The following PTPRC variants were observed in gnomAD, a reference collection of about 807,000 sequenced individuals.
PTPRC encodes receptor-type tyrosine-protein phosphatase C.
PTPRC carries 44 observed loss-of-function variants against 155.9 expected under a neutral mutation model. The ratio of observed to expected loss-of-function variants is 0.28; its 90% CI spans 0.22 to 0.36. The LOEUF is 0.36. Among genes scored for constraint, PTPRC ranks in the 10% least tolerant of loss-of-function variants. The probability of loss-of-function intolerance (pLI) is 1.00; values close to 1 mark genes in which losing one functional copy is unlikely to be tolerated. For synonymous variants in PTPRC, 525 were observed against 533.1 expected (o/e 0.98, Z 0.21); for missense variants, 1,401 against 1,564.6 (o/e 0.90, Z 1.76).
At chr1:198,712,867 T>C in intron 11 of PTPRC, 86 bp from the exon 12 acceptor site, 1 of 1,350,072 alleles carries the variant, frequency 7.4e-7, no homozygotes. Flanking sequence ...AAAATATGGT[T>C]ATCAATAATG....
chr1:198,732,646 T>C, intron 20 of PTPRC, 90 bp downstream of exon 20: 1 of 1,044,576 alleles, frequency 9.6e-7, no homozygotes, highest in East Asian at 2.6e-5. Context: ...TTATTAAAAA[T>C]ATTTTGAAGT....
At position 198,750,583 on chromosome 1, in the gene PTPRC, T is replaced by C; in HGVS notation, c.3164T>C (p.Val1055Ala). ...TGGCAGATGATCTTCCAAAGAAAAG[T>C]CAAAGTTATTGTTATGCTGACAGAA... The part of the protein sequence containing the change: ...DFWQMIFQRK[V>A]KVIVMLTELK... Residue 1055 changes from valine (V) to alanine (A), a missense_variant, in exon 29 of 33, where the codon GTC becomes GCC. By Grantham distance (64) the Val-to-Ala change is moderately conservative (BLOSUM62 0). Around this residue, in one of 3 missense-constraint regions of PTPRC, gnomAD observed 400 missense variants for 389.5 expected, o/e 1.03. Coordinates refer to ENST00000442510, the MANE Select transcript of PTPRC (RefSeq NM_002838.5). 6.2e-7 allele frequency: 1 copy of C among 1,612,740 alleles called. No individual in the cohort carries two copies. Among genetic ancestry groups the C allele is most frequent in the Non-Finnish European group, 8.5e-7 (1 of 1,179,124 alleles).
intron 26 of PTPRC, among the ~76,000 whole-genome samples, chr1:198,744,652 T>A (rs1165911135): frequency 6.6e-6 from 1 of 151,900 alleles, no homozygotes; most frequent in African/African-American, 2.4e-5. Context: ...AGTACATGTG[T>A]CTTAACCTAT....
chr1:198,690,691 G>C (rs1162972607), intron 2 of PTPRC, among the ~76,000 whole-genome samples: 1 of 152,032 alleles, frequency 6.6e-6, no homozygotes, highest in Non-Finnish European at 1.5e-5. Flanking sequence ...TTTGTTCTCA[G>C]AAGATAAAAT....
At chr1:198,729,054 T>C in intron 16 of PTPRC, 83 bp from the exon 17 acceptor site, 1 of 1,472,352 alleles carries the variant, frequency 6.8e-7, no homozygotes, top group East Asian at 2.4e-5. Context: ...GTTCCTTCAA[T>C]ATATTCATTA....
intron 13 of PTPRC, among the ~76,000 whole-genome samples, chr1:198,717,385 A>G (rs1006729415): frequency 1.3e-5 from 2 of 152,170 alleles, no homozygotes; most frequent in African/African-American, 4.8e-5. Context: ...ATCTCTCCAT[A>G]GTTTCCAGGC....
intron 2 of PTPRC, among the ~76,000 whole-genome samples, chr1:198,677,921 G>A (rs896469023): frequency 6.6e-6 from 1 of 151,766 alleles, no homozygotes; most frequent in Admixed American, 6.6e-5. Context: ...ATAAAGTCCA[G>A]CTTTTTTTTT....
chr1:198,735,165 C>T lies in PTPRC; in HGVS notation c.2316C>T (p.Gly772=), dbSNP rs7540378. Residue 772 remains glycine (G), a synonymous_variant, in exon 23 of 33, where the codon GGC becomes GGT. Coordinates refer to ENST00000442510, the MANE Select transcript of PTPRC (RefSeq NM_002838.5). The part of the protein sequence containing the change: ...CAEYWPSMEE[G]TRAFGDVVVK... ...AATACTGGCCGTCAATGGAAGAGGG[C>T]ACTCGGGCTTTTGGAGATGTTGTTG... 230,029 of 1,602,070 alleles carry T rather than the reference C, an allele frequency of 0.14. 18,709 individuals are homozygous for T. Among genetic ancestry groups the T allele is most frequent in the Admixed American group, 0.27 (16,221 of 59,558 alleles).
intron 14 of PTPRC, among the ~76,000 whole-genome samples, chr1:198,721,370 T>C (rs1162638513): frequency 6.6e-6 from 1 of 152,182 alleles, no homozygotes; most frequent in African/African-American, 2.4e-5. Flanking sequence ...TTTTCATTTT[T>C]ATAAACTAAA....
At chr1:198,674,131 T>C (rs1485790996) in intron 2 of PTPRC, among the ~76,000 whole-genome samples, 2 of 152,210 alleles carry the variant, frequency 1.3e-5, no homozygotes, top group Non-Finnish European at 1.5e-5. Context: ...TTGCATTTGT[T>C]CCTCATATGC....
chr1:198,738,396 A>G (rs1654747355), intron 23 of PTPRC, among the ~76,000 whole-genome samples: 1 of 151,828 alleles, frequency 6.6e-6, no homozygotes, highest in South Asian at 2.1e-4. Context: ...TTTCAGCATC[A>G]ATTGAAATGA....
In PTPRC at chr1:198,756,719, A is replaced by C. The variant is rs1017793143; in HGVS notation, c.*538A>C. ...ATAGTTTACTATTTTACTTCTAGAGATAGTACATAAAGGTGGTATGTGTGT... is the reference window on the plus strand; with the variant it reads ...ATAGTTTACTATTTTACTTCTAGAGCTAGTACATAAAGGTGGTATGTGTGT... On this transcript the variant is annotated 3_prime_UTR_variant, in exon 33 of 33. Coordinates refer to ENST00000442510, the MANE Select transcript of PTPRC (RefSeq NM_002838.5). The C allele has an allele frequency of 5.9e-5, 9 of 153,092 alleles. No homozygotes were observed. The South Asian group carries it at 1.0e-3, about 17-fold the overall frequency. 9.5% of individuals were successfully genotyped at this position (153,092 alleles called of 1,614,324 possible). A position where few individuals can be genotyped will look rare whatever the true frequency, so the allele number is the denominator to read the frequency against.
At chr1:198,707,086 T>G in intron 9 of PTPRC, 134 bp downstream of exon 9, 1 of 720,662 alleles carries the variant, frequency 1.4e-6, no homozygotes, top group South Asian at 1.8e-5. Context: ...TGGAAACAAG[T>G]GGGTGAACTT....
At chr1:198,654,824 G>A (rs1462187387) in intron 2 of PTPRC, among the ~76,000 whole-genome samples, 1 of 151,768 alleles carries the variant, frequency 6.6e-6, no homozygotes, top group Non-Finnish European at 1.5e-5. Context: ...GAATATTAAA[G>A]TGAAAATTTA....
In PTPRC at chr1:198,656,634, T is replaced by A. The variant is rs184793797; in HGVS notation, c.73+17293T>A. Among the ~76,000 whole-genome samples the A allele has an allele frequency of 7.1e-5, 10 of 140,410 alleles. No homozygotes were observed. The East Asian group carries it at 1.7e-3, about 24-fold the overall frequency. 92.1% of individuals were successfully genotyped at this position (140,410 alleles called of 152,430 possible). On this transcript the variant is annotated intron_variant, in intron 2 of 32. Coordinates refer to ENST00000442510, the MANE Select transcript of PTPRC (RefSeq NM_002838.5). ...TGAATTCTGCTACACATCACAGGGC[T>A]ACTAGTTTTTTGTTTTTTGTTTTTT...
intron 8 of PTPRC, among the ~76,000 whole-genome samples, chr1:198,706,181 A>G (rs776523079): frequency 1.3e-5 from 2 of 152,234 alleles, no homozygotes; most frequent in Non-Finnish European, 2.9e-5. Flanking sequence ...GAAATTGTTG[A>G]CACTAAACAA....
At chr1:198,702,892 C>G (rs1426607087) in intron 6 of PTPRC, among the ~76,000 whole-genome samples, 2 of 152,124 alleles carry the variant, frequency 1.3e-5, no homozygotes, top group Non-Finnish European at 2.9e-5. Flanking sequence ...CATAATAACA[C>G]TCCTTTTTTA....
chr1:198,731,851 A>T (rs762608560), intron 18 of PTPRC, 125 bp downstream of exon 18: 1 of 769,430 alleles, frequency 1.3e-6, no homozygotes, highest in Non-Finnish European at 2.3e-6. Flanking sequence ...AGCAAAGTAG[A>T]TATTATTAGC....
chr1:198,699,736 G>C, intron 5 of PTPRC, 32 bp downstream of exon 5: 1 of 1,613,438 alleles, frequency 6.2e-7, no homozygotes, highest in Non-Finnish European at 8.5e-7. Context: ...GTGCAAATAT[G>C]AAAAGTACAT....
Sources: allele counts gnomAD v4.1 joint callset (sites outside exome capture counted in the v4.1 genomes callset), GRCh38; gene constraint gnomAD v4.1.1; regional missense constraint gnomAD v4.1.1; transcripts MANE v1.5; gene names NCBI Gene and HGNC (gene_info 2026-07-23, HGNC 2026-07-21).